PCDHGA9: variants seen among roughly 807,000 people sequenced by gnomAD.
PCDHGA9 encodes protocadherin gamma-A9.
A neutral mutation model predicts 62.5 loss-of-function variants in PCDHGA9; 37 were observed. That is an observed-to-expected ratio of 0.59 (90% CI 0.46 to 0.78). PCDHGA9 has a LOEUF of 0.78. PCDHGA9 is among the 30% of genes least tolerant of loss of function. The pLI is 0.00. For synonymous variants in PCDHGA9, 459 were observed against 484.6 expected (o/e 0.95, Z 0.69); for missense variants, 1,138 against 1,166.2 (o/e 0.98, Z 0.35).
chr5:141,501,831 C>G (rs1246452764), intron 2 of PCDHGA9, among the ~76,000 whole-genome samples: 1 of 152,176 alleles, frequency 6.6e-6, no homozygotes, highest in African/African-American at 2.4e-5. Context: ...GCCCACCCAC[C>G]TGTTTGGCCC....
intron 1 of PCDHGA9, among the ~76,000 whole-genome samples, chr5:141,475,339 T>C (rs1295364417): frequency 1.3e-5 from 2 of 152,188 alleles, no homozygotes; most frequent in Non-Finnish European, 2.9e-5. Flanking sequence ...AACAATGACA[T>C]CCAGTTTTAA....
chr5:141,428,057 G>C (rs766786963), intron 1 of PCDHGA9: 2 of 1,609,044 alleles, frequency 1.2e-6, no homozygotes, highest in East Asian at 2.2e-5. Flanking sequence ...AGGTGGTGGC[G>C]GTGGACGCAG....
rs766387243 is a variant in PCDHGA9 at position 141,489,017 on chromosome 5, TCTC to T, written c.2425-5782_2425-5780del. The stretch of plus-strand genomic sequence containing the variant: ...GGGAGATCTGCTCTTCCAGCCCGCC[TCTC>T]CTCCTCCAGCTCCCCAGCTCCACTC... On this transcript the variant is annotated intron_variant, in intron 1 of 3. Transcript: ENST00000573521. This position sits in a 1 kb window ranked among gnomAD's most constrained non-coding sequence, Gnocchi z 4.5. 2 of 435,354 alleles carry T rather than the reference TCTC, an allele frequency of 4.6e-6. No individual in the cohort carries two copies. Among genetic ancestry groups the T allele is most frequent in the Non-Finnish European group, 8.1e-6 (2 of 247,876 alleles). The allele number at this position is 435,354 out of a possible 1,614,324, so 27.0% of individuals were successfully genotyped here. A position where few individuals can be genotyped will look rare whatever the true frequency, so the allele number is the denominator to read the frequency against.
At chr5:141,418,922 C>A in intron 1 of PCDHGA9, 1 of 1,613,994 alleles carries the variant, frequency 6.2e-7, no homozygotes, top group Non-Finnish European at 8.5e-7. Context: ...ACTCTCTGAT[C>A]AGATTATGGA....
Position 141,491,509 on chromosome 5 carries a change from C to T in PCDHGA9, c.2425-3298C>T. 6.2e-7 allele frequency: 1 copy of T among 1,614,058 alleles called. No individual in the cohort carries two copies. Among genetic ancestry groups the T allele is most frequent in the Non-Finnish European group, 8.5e-7 (1 of 1,180,022 alleles). On this transcript the variant is annotated intron_variant, in intron 1 of 3. Coordinates refer to ENST00000573521, the MANE Select transcript of PCDHGA9 (RefSeq NM_018921.3). The surrounding 1 kb of genome is among the most constrained non-coding windows in gnomAD (Gnocchi z 6.9). Reference sequence around the variant, plus strand: ...CCTGCAGGTGAGCTCGGACGGCACGCTCAAGTACATGGAGGTGACGCTGCG... The same window carrying T: ...CCTGCAGGTGAGCTCGGACGGCACGTTCAAGTACATGGAGGTGACGCTGCG...
At chr5:141,453,288 A>T (rs931678565) in intron 1 of PCDHGA9, among the ~76,000 whole-genome samples, 18 of 151,342 alleles carry the variant, frequency 1.2e-4, no homozygotes, top group Admixed American at 3.3e-4. Context: ...TAATTTTTTA[A>T]TTATTTATTT....
chr5:141,439,124 C>A (rs550781116), intron 1 of PCDHGA9, among the ~76,000 whole-genome samples: 332 of 150,120 alleles, frequency 2.2e-3, no homozygotes, highest in Non-Finnish European at 3.9e-3. Context: ...ACCCGGGAGA[C>A]AGAGGTTGCA....
chr5:141,419,269 C>G (rs1456612499), intron 1 of PCDHGA9: 1 of 1,614,034 alleles, frequency 6.2e-7, no homozygotes, highest in Admixed American at 1.7e-5. Flanking sequence ...CGGGTGCCTC[C>G]ATAGCGCAAG....
rs11410533 is a variant in PCDHGA9, at chr5:141,429,387, TA to T, written c.2424+24019del. ...AAATGGAGAAAATGTGTTTTTTTTT[TA>T]AAAAAAATTGAGATTAAGGTCTCAT... On this transcript the variant is annotated intron_variant, in intron 1 of 3. Transcript: ENST00000573521. Among the ~76,000 whole-genome samples, 10 of 151,446 alleles carry T rather than the reference TA, an allele frequency of 6.6e-5. No individual in the cohort carries two copies. In the South Asian group the frequency reaches 1.0e-3, roughly 16 times the overall value.
chr5:141,407,159 A>G (rs1349203478), intron 1 of PCDHGA9, among the ~76,000 whole-genome samples: 1 of 152,232 alleles, frequency 6.6e-6, no homozygotes, highest in Non-Finnish European at 1.5e-5. Context: ...AGTGTCTGGG[A>G]ATCCTTTATG....
In PCDHGA9 at chr5:141,431,023, C is replaced by T. The variant is rs374655655; in HGVS notation, c.2424+25647C>T. 1 of 1,613,748 alleles carries T rather than the reference C, an allele frequency of 6.2e-7. No homozygotes were observed. On this transcript the variant is annotated intron_variant, in intron 1 of 3. Coordinates refer to ENST00000573521, the MANE Select transcript of PCDHGA9 (RefSeq NM_018921.3). This position sits in a 1 kb window ranked among gnomAD's most constrained non-coding sequence, Gnocchi z 4.8. Reference sequence around the variant, plus strand: ...GCAGCGGCAGCTTGGTCACGGCGGGCAGGATAGACCGGGAGGAGCTCTGTA... The same window carrying T: ...GCAGCGGCAGCTTGGTCACGGCGGGTAGGATAGACCGGGAGGAGCTCTGTA...
chr5:141,485,888 G>T lies in PCDHGA9; in HGVS notation c.2425-8919G>T, dbSNP rs1166795987. 3 of 1,614,028 alleles carry T rather than the reference G, an allele frequency of 1.9e-6. No homozygotes were observed. The highest frequency in any genetic ancestry group is 2.5e-6 in the Non-Finnish European group (3 of 1,180,032). ...ATCCGTGCTGGACGTAAACGACAAC[G>T]CCCCAGCCTTCCAGCAATCCAGCTA... On this transcript the variant is annotated intron_variant, in intron 1 of 3. Coordinates refer to ENST00000573521, the MANE Select transcript of PCDHGA9 (RefSeq NM_018921.3). The surrounding 1 kb of genome is among the most constrained non-coding windows in gnomAD (Gnocchi z 5.7).
At chr5:141,415,122 C>T (rs552568826) in intron 1 of PCDHGA9, 34 of 1,613,668 alleles carry the variant, frequency 2.1e-5, no homozygotes, top group Admixed American at 6.7e-5. Flanking sequence ...TCGTAGTGGC[C>T]GTCCAGGACC....
intron 1 of PCDHGA9, chr5:141,410,091 G>A: frequency 8.7e-6 from 14 of 1,612,518 alleles, no homozygotes; most frequent in African/African-American, 1.3e-5. Flanking sequence ...CGCACGGCTC[G>A]AGCCTTAGGC....
chr5:141,462,512 A>C (rs1169461013), intron 1 of PCDHGA9, among the ~76,000 whole-genome samples: 1 of 152,106 alleles, frequency 6.6e-6, no homozygotes, highest in Non-Finnish European at 1.5e-5. Flanking sequence ...AACTAGATCA[A>C]GTTAGTAAGA....
In PCDHGA9 at chr5:141,409,031, A is replaced by G. The variant is rs748995883; in HGVS notation, c.2424+3655A>G. The G allele has an allele frequency of 1.2e-6, 2 of 1,614,032 alleles. No individual in the cohort carries two copies. The highest frequency in any genetic ancestry group is 1.7e-6 in the Non-Finnish European group (2 of 1,179,904). The stretch of plus-strand genomic sequence containing the variant: ...CCAGGATGAGGGGGTCAATGCTGAG[A>G]TAAACTACTACTTCCGAAGCACTGC... On this transcript the variant is annotated intron_variant, in intron 1 of 3. Transcript: ENST00000573521.
At chr5:141,433,298 A>G in intron 1 of PCDHGA9, 7 of 1,015,894 alleles carry the variant, frequency 6.9e-6, no homozygotes, top group Non-Finnish European at 1.0e-5. Context: ...GGCTCAAGCA[A>G]TTATCCCACC....
chr5:141,472,188 G>C (rs779077950), intron 1 of PCDHGA9, among the ~76,000 whole-genome samples: 4 of 152,168 alleles, frequency 2.6e-5, no homozygotes, highest in Middle Eastern at 3.2e-3. Context: ...ATTGGAATTT[G>C]AATCTTTTTG....
intron 1 of PCDHGA9, among the ~76,000 whole-genome samples, chr5:141,448,180 G>C (rs961721974): frequency 1.3e-5 from 2 of 151,998 alleles, no homozygotes; most frequent in African/African-American, 2.4e-5. Flanking sequence ...TTCATCCCTG[G>C]TTATGTACAC....
Sources: gnomAD v4.1 joint callset for allele counts (sites outside exome capture counted in the v4.1 genomes callset) on GRCh38, gnomAD v4.1.1 for gene constraint, Gnocchi (gnomAD v3.1) non-coding constraint, MANE v1.5 for transcripts, NCBI Gene and HGNC (gene_info 2026-07-23, HGNC 2026-07-21) for gene names.